DSCC1: variants seen among roughly 807,000 people sequenced by gnomAD.
The protein encoded by DSCC1 is sister chromatid cohesion protein DCC1.
Under a neutral mutation model 48.2 loss-of-function variants are expected in DSCC1, and 32 were observed. The observed-to-expected ratio is 0.66, with a 90% CI of 0.50 to 0.89. The LOEUF is 0.89. DSCC1 is among the 40% of genes least tolerant of loss of function. DSCC1 has a pLI of 0.00. For synonymous variants in DSCC1, 150 were observed against 171.5 expected (o/e 0.87, Z 0.98); for missense variants, 421 against 471.7 (o/e 0.89, Z 1.00).
At chr8:119,851,838 C>T (rs1826946828) in intron 2 of DSCC1, among the ~76,000 whole-genome samples, 1 of 152,028 alleles carries the variant, frequency 6.6e-6, no homozygotes, top group Non-Finnish European at 1.5e-5. Flanking sequence ...AAGTTTTAGC[C>T]AATCTCAGTA....
intron 3 of DSCC1, 135 bp downstream of exon 3, chr8:119,850,246 GA>G: frequency 8.0e-6 from 7 of 874,646 alleles, no homozygotes; most frequent in Non-Finnish European, 1.1e-5. Flanking sequence ...GGGTGTGCTT[GA>G]AATTTTATAA....
intron 4 of DSCC1, among the ~76,000 whole-genome samples, chr8:119,845,153 T>G (rs1826837393): frequency 6.6e-6 from 1 of 152,004 alleles, no homozygotes. Flanking sequence ...TGGCACGATC[T>G]CAGCTCACTG....
Position 119,838,406 on chromosome 8 carries a change from C to A in DSCC1, c.926G>T (p.Gly309Val), listed in dbSNP as rs1826718609. 2 of 1,575,196 alleles carry A rather than the reference C, an allele frequency of 1.3e-6. No homozygotes were observed. Among genetic ancestry groups the A allele is most frequent in the Non-Finnish European group, 1.7e-6 (2 of 1,166,138 alleles). Residue 309 changes from glycine (G) to valine (V), a missense_variant and splice_region_variant, in exon 8 of 9, where the codon GGT (glycine) becomes GTT (valine). Coordinates refer to ENST00000313655, the MANE Select transcript of DSCC1 (RefSeq NM_024094.3). ...CGAGTGTCTATCCACCAGCGCTAAA[C>A]CCTACAAGAAATGAGAAGAAACAGA... The part of the protein sequence containing the change: ...GMVTSLDQLK[G>V]LALVDRHSRP...
chr8:119,853,340 C>G, intron 1 of DSCC1, 125 bp from the exon 2 acceptor site: 1 of 1,040,316 alleles, frequency 9.6e-7, no homozygotes, highest in Non-Finnish European at 1.3e-6. Context: ...TGCCTCTGCC[C>G]CCTGCTAGCA....
At chr8:119,844,106 G>C (rs2131300910) in intron 4 of DSCC1, among the ~76,000 whole-genome samples, 1 of 151,782 alleles carries the variant, frequency 6.6e-6, no homozygotes, top group Non-Finnish European at 1.5e-5. Flanking sequence ...CTAGCTAATA[G>C]ATTGACAAAG....
chr8:119,836,015 T>C lies in DSCC1; in HGVS notation c.1074-1014A>G, dbSNP rs192902234. 4.9e-4 allele frequency among the ~76,000 whole-genome samples: 74 copies of C among 152,250 alleles called. 1 individual carries two copies. Among genetic ancestry groups the C allele is most frequent in the Non-Finnish European group, 9.8e-4 (67 of 68,024 alleles). On this transcript the variant is annotated intron_variant, in intron 8 of 8. Transcript: ENST00000313655. ...TGGAAAAGTACAATGTGATCTAAGT[T>C]TTAAATAATGGAGGTGGCCGGGCGC...
At chr8:119,835,410 G>A (rs1044729718) in intron 8 of DSCC1, among the ~76,000 whole-genome samples, 1 of 151,920 alleles carries the variant, frequency 6.6e-6, no homozygotes, top group Non-Finnish European at 1.5e-5. Context: ...GGGAGGCTGG[G>A]GCAGGAGAAT....
intron 4 of DSCC1, among the ~76,000 whole-genome samples, chr8:119,845,944 A>C (rs1034814723): frequency 5.9e-5 from 9 of 152,016 alleles, no homozygotes; most frequent in Admixed American, 2.0e-4. Context: ...GTGAGACTCC[A>C]TCCAAAAGAA....
chr8:119,842,953 C>A, intron 5 of DSCC1, 125 bp from the exon 6 acceptor site: 1 of 757,530 alleles, frequency 1.3e-6, no homozygotes, highest in East Asian at 3.0e-5. Flanking sequence ...ATTTTGGTTG[C>A]CAAATATTAT....
At chr8:119,845,099 ATTTG>A (rs1337675802) in intron 4 of DSCC1, among the ~76,000 whole-genome samples, 3 of 115,392 alleles carry the variant, frequency 2.6e-5, no homozygotes, top group African/African-American at 9.7e-5. Flanking sequence ...TTATTTATTT[ATTTG>A]TGATGGAGTC....
chr8:119,849,892 CTG>C (rs1201993897), intron 3 of DSCC1, among the ~76,000 whole-genome samples: 2 of 152,042 alleles, frequency 1.3e-5, no homozygotes, highest in Non-Finnish European at 2.9e-5. Context: ...AATTTTAAAA[CTG>C]TTTTTTACTT....
At chr8:119,842,195 TCC>T (rs1327351702) in intron 6 of DSCC1, among the ~76,000 whole-genome samples, 1 of 151,970 alleles carries the variant, frequency 6.6e-6, no homozygotes, top group African/African-American at 2.4e-5. Context: ...TGTCCCAGCC[TCC>T]CAGGAAGCTG....
Position 119,834,993 on chromosome 8 carries a change from C to A in DSCC1, c.1082G>T (p.Cys361Phe). The change falls in exon 9 of 9, where the codon TGT (cysteine) becomes TTT (phenylalanine). Residue 361 changes from cysteine to phenylalanine, a missense_variant. This residue lies in a region of DSCC1 where 238 missense variants were observed against 259.0 expected (regional missense o/e 0.92). Coordinates refer to ENST00000313655, the MANE Select transcript of DSCC1 (RefSeq NM_024094.3). Reference sequence around the variant, plus strand: ...TGCACCTATGGTTTGCTTCTCTCCACACAAATCTCTGTAGGAACAATAAAA... The same window carrying A: ...TGCACCTATGGTTTGCTTCTCTCCAAACAAATCTCTGTAGGAACAATAAAA... ...EDIAPYIQDL[C>F]GEKQTIGALL... 1.3e-6 allele frequency: 2 copies of A among 1,589,174 alleles called. No homozygotes were observed. The highest frequency in any genetic ancestry group is 1.7e-6 in the Non-Finnish European group (2 of 1,162,524).
At chr8:119,842,656 G>C (rs1451351431) in intron 6 of DSCC1, 120 bp downstream of exon 6, 35 of 844,762 alleles carry the variant, frequency 4.1e-5, no homozygotes, top group Admixed American at 2.0e-4. Flanking sequence ...AAAGTGCTGG[G>C]ATTATAGGTG....
chr8:119,854,886 A>C (rs1053247570), intron 1 of DSCC1, among the ~76,000 whole-genome samples: 1 of 152,236 alleles, frequency 6.6e-6, no homozygotes, highest in Non-Finnish European at 1.5e-5. Flanking sequence ...GACAGCCTAA[A>C]GGATTCCATT....
intron 1 of DSCC1, among the ~76,000 whole-genome samples, chr8:119,854,786 C>T (rs963561732): frequency 6.6e-6 from 1 of 152,186 alleles, no homozygotes; most frequent in Non-Finnish European, 1.5e-5. Context: ...TTTCAGTTCC[C>T]TTAAAGGTAC....
intron 1 of DSCC1, among the ~76,000 whole-genome samples, chr8:119,855,001 C>T (rs1184707346): frequency 6.6e-6 from 1 of 152,156 alleles, no homozygotes; most frequent in African/African-American, 2.4e-5. Flanking sequence ...GCTGGGGCTG[C>T]ACAGGGTGGA....
intron 8 of DSCC1, among the ~76,000 whole-genome samples, chr8:119,835,256 C>T (rs1202886204): frequency 1.3e-5 from 2 of 152,124 alleles, no homozygotes; most frequent in Non-Finnish European, 2.9e-5. Context: ...CCTGTAATCC[C>T]AGCACTTTGG....
intron 6 of DSCC1, 89 bp downstream of exon 6, chr8:119,842,687 G>T: frequency 8.1e-7 from 1 of 1,231,246 alleles, no homozygotes; most frequent in Non-Finnish European, 1.2e-6. Context: ...CACCCAGCCA[G>T]AGTTCTTATT....
Sources: gnomAD v4.1 joint callset for allele counts (sites outside exome capture counted in the v4.1 genomes callset) on GRCh38, gnomAD v4.1.1 for gene constraint, gnomAD v4.1.1 regional missense constraint, MANE v1.5 for transcripts, NCBI Gene and HGNC (gene_info 2026-07-23, HGNC 2026-07-21) for gene names.